Variants in SLC44A1 observed in about 807,000 individuals in gnomAD.
SLC44A1 encodes the protein choline transporter-like protein 1.
Under a neutral mutation model 79.3 loss-of-function variants are expected in SLC44A1, and 26 were observed. That is an observed-to-expected ratio of 0.33 (90% CI 0.24 to 0.46). The LOEUF (loss-of-function observed/expected upper bound fraction) is 0.46, where lower values mean the gene tolerates loss of function less well. Among genes scored for constraint, SLC44A1 ranks in the 20% least tolerant of loss-of-function variants. The probability of loss-of-function intolerance (pLI) is 1.00; values close to 1 mark genes in which losing one functional copy is unlikely to be tolerated. For missense variants in SLC44A1, 688 were observed against 798.1 expected, an observed-to-expected ratio of 0.86 and a Z score of 1.66; for synonymous variants, 263 against 286.2, an observed-to-expected ratio of 0.92 and a Z score of 0.82.
At chr9:105,268,318 C>T (rs78837910) in intron 1 of SLC44A1, among the ~76,000 whole-genome samples, 2,357 of 152,198 alleles carry the variant, frequency 0.015, 65 homozygotes, top group African/African-American at 0.053. Flanking sequence ...CGGGATTCAG[C>T]TTTTTCGAGT....
chr9:105,288,371 CAG>C (rs1006411492), intron 1 of SLC44A1, among the ~76,000 whole-genome samples: 2 of 151,988 alleles, frequency 1.3e-5, no homozygotes, highest in Non-Finnish European at 2.9e-5. Context: ...TGTTTTGAGA[CAG>C]GGTCTCGCTC....
At chr9:105,437,023 CT>C (rs1829471962) in intron 15 of SLC44A1, among the ~76,000 whole-genome samples, 1 of 152,158 alleles carries the variant, frequency 6.6e-6, no homozygotes, top group South Asian at 2.1e-4. Flanking sequence ...AGGACTGTAT[CT>C]CGTTACTTCT....
At chr9:105,256,494 C>A (rs965030006) in intron 1 of SLC44A1, among the ~76,000 whole-genome samples, 1 of 151,844 alleles carries the variant, frequency 6.6e-6, no homozygotes, top group Non-Finnish European at 1.5e-5. Flanking sequence ...TATCAAAGAC[C>A]CACTCTCCTT....
intron 2 of SLC44A1, among the ~76,000 whole-genome samples, chr9:105,308,519 T>C (rs1453609006): frequency 6.6e-6 from 1 of 152,224 alleles, no homozygotes; most frequent in Non-Finnish European, 1.5e-5. Context: ...CTCTATTCTT[T>C]CCTTGTAGCT....
At chr9:105,433,446 TC>T (rs1829423752) in intron 15 of SLC44A1, among the ~76,000 whole-genome samples, 1 of 152,118 alleles carries the variant, frequency 6.6e-6, no homozygotes, top group African/African-American at 2.4e-5. Flanking sequence ...TCAGACACCA[TC>T]CCCTACTCTG....
At position 105,374,288 on chromosome 9, in the gene SLC44A1, A is replaced by G. The variant is rs994272709; in HGVS notation, c.1495-310A>G. ...AGTCACAACCCTGAGACATCTAGGA[A>G]AGATTAAATTATGTTTGATTTACTA... On this transcript the variant is annotated intron_variant, in intron 12 of 15. Transcript: ENST00000374720. Among the ~76,000 whole-genome samples the G allele has an allele frequency of 2.6e-5, 4 of 152,242 alleles. 1 individual carries two copies. In the South Asian group the frequency reaches 6.2e-4, roughly 24 times the overall value.
chr9:105,344,206 CT>C (rs1479727472), intron 4 of SLC44A1, among the ~76,000 whole-genome samples: 1 of 151,938 alleles, frequency 6.6e-6, no homozygotes, highest in African/African-American at 2.4e-5. Flanking sequence ...TTAATCTATC[CT>C]GCAAATATTG....
At chr9:105,284,731 G>C (rs1045744281) in intron 1 of SLC44A1, among the ~76,000 whole-genome samples, 2 of 152,122 alleles carry the variant, frequency 1.3e-5, no homozygotes, top group Non-Finnish European at 2.9e-5. Flanking sequence ...AACTCTGCAG[G>C]TGAAGTGGCC....
intron 15 of SLC44A1, 96 bp from the exon 16 acceptor site, chr9:105,388,936 TG>T (rs1332822850): frequency 2.2e-6 from 2 of 900,690 alleles, no homozygotes; most frequent in African/African-American, 3.3e-5. Flanking sequence ...TTTGCTGTCT[TG>T]CTGTTTGTGA....
chr9:105,289,049 C>T (rs1362559418), intron 1 of SLC44A1, among the ~76,000 whole-genome samples: 6 of 152,078 alleles, frequency 3.9e-5, no homozygotes, highest in Admixed American at 6.5e-5. Flanking sequence ...ATAATATCTG[C>T]GGGAAAAGGA....
At chr9:105,362,643 A>G (rs780316771) in intron 8 of SLC44A1, among the ~76,000 whole-genome samples, 178 bp from the exon 9 acceptor site, 3 of 152,244 alleles carry the variant, frequency 2.0e-5, no homozygotes, top group Non-Finnish European at 4.4e-5. Context: ...CTTGGTAACC[A>G]TAATATAAAA....
At chr9:105,346,318 A>G (rs551997198) in intron 4 of SLC44A1, among the ~76,000 whole-genome samples, 2 of 152,254 alleles carry the variant, frequency 1.3e-5, no homozygotes, top group Non-Finnish European at 2.9e-5. Context: ...AAGTATTTAT[A>G]AAATTGAACT....
In SLC44A1 at chr9:105,394,041, T is replaced by G. The variant is rs890122564; in HGVS notation, c.*4985T>G. ...GGTCTCTTTGAGCTTAAGAAAGCTATGGACTATCTTTCCTTCAAATGCACA... is the reference window on the plus strand; with the variant it reads ...GGTCTCTTTGAGCTTAAGAAAGCTAGGGACTATCTTTCCTTCAAATGCACA... On this transcript the variant is annotated 3_prime_UTR_variant, in exon 16 of 16. Transcript: ENST00000374720. 1 of 984,942 alleles carries G rather than the reference T, an allele frequency of 1.0e-6. No individual in the cohort carries two copies. The highest frequency in any genetic ancestry group is 1.2e-6 in the Non-Finnish European group (1 of 829,454). 61.0% of individuals were successfully genotyped at this position (984,942 alleles called of 1,614,324 possible).
chr9:105,330,095 A>G (rs1826703389), intron 3 of SLC44A1, among the ~76,000 whole-genome samples: 1 of 152,220 alleles, frequency 6.6e-6, no homozygotes, highest in East Asian at 1.9e-4. Context: ...AATGTTTGTT[A>G]TAAATGAAGT....
intron 15 of SLC44A1, among the ~76,000 whole-genome samples, chr9:105,435,678 G>A (rs1327095487): frequency 6.6e-6 from 1 of 152,180 alleles, no homozygotes; most frequent in Non-Finnish European, 1.5e-5. Context: ...GCCTGTATGT[G>A]TGGGTCAGAG....
At chr9:105,414,039 G>C (rs1375846256) in intron 15 of SLC44A1, among the ~76,000 whole-genome samples, 1 of 149,900 alleles carries the variant, frequency 6.7e-6, no homozygotes, top group Admixed American at 6.6e-5. Context: ...TCGCTGGACA[G>C]TTAGTGTTTG....
intron 15 of SLC44A1, among the ~76,000 whole-genome samples, chr9:105,429,045 T>C (rs546031016): frequency 2.0e-5 from 3 of 152,348 alleles, no homozygotes; most frequent in African/African-American, 7.2e-5. Flanking sequence ...TCTTGAATGG[T>C]GCAGGAATAC....
intron 5 of SLC44A1, among the ~76,000 whole-genome samples, chr9:105,349,948 T>A (rs1564451343): frequency 6.6e-6 from 1 of 152,150 alleles, no homozygotes; most frequent in Admixed American, 6.5e-5. Flanking sequence ...TGTTCCTGGT[T>A]ATTTTGGGTT....
At chr9:105,252,817 G>C (rs1829620469) in intron 1 of SLC44A1, among the ~76,000 whole-genome samples, 1 of 152,180 alleles carries the variant, frequency 6.6e-6, no homozygotes, top group Non-Finnish European at 1.5e-5. Context: ...CCTCCTTTTT[G>C]ATACTTTTTG....
Sources: gnomAD v4.1 joint callset for allele counts (sites outside exome capture counted in the v4.1 genomes callset) on GRCh38, gnomAD v4.1.1 for gene constraint, MANE v1.5 for transcripts, NCBI Gene and HGNC (gene_info 2026-07-23, HGNC 2026-07-21) for gene names.